The following IL15RA variants were observed in gnomAD, a reference collection of about 807,000 sequenced individuals.
IL15RA encodes the protein interleukin 15 receptor subunit alpha.
IL15RA carries 26 observed loss-of-function variants against 24.2 expected under a neutral mutation model. The observed-to-expected ratio is 1.07, with a 90% CI of 0.79 to 1.49. The LOEUF (loss-of-function observed/expected upper bound fraction) is 1.49. Among genes scored for constraint, IL15RA ranks in the 40% most tolerant of loss-of-function variants. The probability of loss-of-function intolerance (pLI) is 0.00; values close to 1 mark genes in which losing one functional copy is unlikely to be tolerated. For synonymous variants in IL15RA, 166 were observed against 157.6 expected, an observed-to-expected ratio of 1.05 and a Z score of -0.40; for missense variants, 354 against 356.4, an observed-to-expected ratio of 0.99 and a Z score of 0.05.
chr10:5,966,476 G>A lies in IL15RA; in HGVS notation c.89-137C>T. 1.5e-6 allele frequency: 1 copy of A among 654,570 alleles called. No individual in the cohort carries two copies. The allele number at this position is 654,570 out of a possible 1,614,324, so 40.5% of individuals were successfully genotyped here. On this transcript the variant is annotated intron_variant, in intron 1 of 6. Transcript: ENST00000379977. This position sits in a 1 kb window ranked among gnomAD's most constrained non-coding sequence, Gnocchi z 6.4. ...GACAAGCCCCAGGTGCCAGGCACGTGGAGGATGTACAGGAAGAGCATCCTC... is the reference window on the plus strand; with the variant it reads ...GACAAGCCCCAGGTGCCAGGCACGTAGAGGATGTACAGGAAGAGCATCCTC...
rs894576410 is a variant in IL15RA at position 5,955,483 on chromosome 10, C to T, written c.692+896G>A. On this transcript the variant is annotated intron_variant, in intron 6 of 6. Transcript: ENST00000379977. The surrounding 1 kb of genome is among the most constrained non-coding windows in gnomAD (Gnocchi z 5.3). ...ATAGTAACTAAAAGTTTAGTTTGGA[C>T]AAATCTGATATCCGTATCAGTATGG... Among the ~76,000 whole-genome samples, 1 of 151,940 alleles carries T rather than the reference C, an allele frequency of 6.6e-6. No individual in the cohort carries two copies. The highest frequency in any genetic ancestry group is 2.4e-5 in the African/African-American group (1 of 41,332).
upstream of IL15RA, chr10:5,978,073 G>T (rs1357401687): frequency 6.5e-6 from 1 of 152,736 alleles, no homozygotes; most frequent in Non-Finnish European, 1.5e-5. This position sits in a 1 kb window ranked among gnomAD's most constrained non-coding sequence, Gnocchi z 5.2. Context: ...GCGGGCACCT[G>T]CCTGGTGCGC....
chr10:5,951,143 A>AAAAAAAAAAAAAT (rs1450956969), downstream of IL15RA, among the ~76,000 whole-genome samples: 2 of 43,906 alleles, frequency 4.6e-5, no homozygotes, highest in African/African-American at 1.9e-4. Flanking sequence ...CTCAGTCTCA[A>AAAAAAAAAAAAAT]AAAAAAAAAA....
rs749995392 is a variant in IL15RA at position 5,956,433 on chromosome 10, A to T, written c.638T>A (p.Val213Asp). ...DTTVAISTSTVLLCGLSAVSL... is the reference protein window; with the variant it reads ...DTTVAISTSTDLLCGLSAVSL... ...CACAGCGCTCAGCCCACACAGCAGG[A>T]CAGTGGACGTGGAGATAGCCACTGA... is the stretch of plus-strand genomic sequence containing the variant. The change falls in exon 6 of 7, where the codon GTC becomes GAC. Residue 213 changes from valine (V) to aspartate (D), a missense_variant. By Grantham distance (152) the Val-to-Asp change is radical. Transcript: ENST00000379977. The T allele has an allele frequency of 9.3e-6, 15 of 1,614,104 alleles. No homozygotes were observed. Among genetic ancestry groups the T allele is most frequent in the Admixed American group, 5.0e-5 (3 of 60,030 alleles).
chr10:5,967,931 C>T lies in IL15RA; in HGVS notation c.89-1592G>A, dbSNP rs1383832533. 2.6e-5 allele frequency among the ~76,000 whole-genome samples: 4 copies of T among 151,954 alleles called. No homozygotes were observed. The highest frequency in any genetic ancestry group is 6.6e-5 in the Admixed American group (1 of 15,250). ...AAAATTAGCTGGATGTGGTGGTGGG[C>T]GCCTGTAATCCCAGCTACTCAGGAG... On this transcript the variant is annotated intron_variant, in intron 1 of 6. Coordinates refer to ENST00000379977, the MANE Select transcript of IL15RA (RefSeq NM_002189.4). This position sits in a 1 kb window ranked among gnomAD's most constrained non-coding sequence, Gnocchi z 4.4.
chr10:5,959,697 A>C lies in IL15RA; in HGVS notation c.616+57T>G. 6.5e-7 allele frequency: 1 copy of C among 1,543,368 alleles called. No individual in the cohort carries two copies. Reference sequence around the variant, plus strand: ...CGGGCCTGGGCCAGGACCACCCAGCACCCTGGGACTGCGGTCACCCTGATC... The same window carrying C: ...CGGGCCTGGGCCAGGACCACCCAGCCCCCTGGGACTGCGGTCACCCTGATC... On this transcript the variant is annotated intron_variant, in intron 5 of 6. Transcript: ENST00000379977. The surrounding 1 kb of genome is among the most constrained non-coding windows in gnomAD (Gnocchi z 4.1).
Position 5,966,378 on chromosome 10 carries a change from T to A in IL15RA, c.89-39A>T. ...GAGGACAGGGGACGGTGAAGAGGTT[T>A]CCACTTGTAAGAGGCGTTCTCCAGG... On this transcript the variant is annotated intron_variant, in intron 1 of 6. Transcript: ENST00000379977. This position sits in a 1 kb window ranked among gnomAD's most constrained non-coding sequence, Gnocchi z 6.4. 2 of 1,557,482 alleles carry A rather than the reference T, an allele frequency of 1.3e-6. No individual in the cohort carries two copies. Among genetic ancestry groups the A allele is most frequent in the Non-Finnish European group, 1.8e-6 (2 of 1,132,604 alleles).
In IL15RA at chr10:5,964,498, C is replaced by T. The variant is rs1836162478; in HGVS notation, c.284-657G>A. Among the ~76,000 whole-genome samples the T allele has an allele frequency of 6.6e-6, 1 of 152,140 alleles. No homozygotes were observed. The highest frequency in any genetic ancestry group is 2.1e-4 in the South Asian group (1 of 4,828). On this transcript the variant is annotated intron_variant, in intron 2 of 6. Transcript: ENST00000379977. This position sits in a 1 kb window ranked among gnomAD's most constrained non-coding sequence, Gnocchi z 5.6. ...TTCACTTGTTGAGCAGGAAAAAAGT[C>T]ATTCAAAGCACAAGAGTTTGGGAAG...
At position 5,960,355 on chromosome 10, in the gene IL15RA, G is replaced by C. The variant is rs1326808949; in HGVS notation, c.583+12C>G. ...GGGAACTGACCTCTCCTGGGGCAAA[G>C]CGAGTGCTAACCTGGCGGCTGGTGG... On this transcript the variant is annotated intron_variant, in intron 4 of 6. Transcript: ENST00000379977. This position sits in a 1 kb window ranked among gnomAD's most constrained non-coding sequence, Gnocchi z 5.1. 1.2e-6 allele frequency: 2 copies of C among 1,613,406 alleles called. No individual in the cohort carries two copies. The highest frequency in any genetic ancestry group is 3.3e-5 in the Admixed American group (2 of 60,028).
downstream of IL15RA, chr10:5,952,315 C>T: frequency 6.6e-6 from 1 of 152,570 alleles, no homozygotes; most frequent in East Asian, 1.9e-4. Context: ...TGGACTCTGC[C>T]TTCCTACTCT....
chr10:5,957,593 C>CTTT lies in IL15RA; in HGVS notation c.617-1142_617-1140dup, dbSNP rs34002653. Among the ~76,000 whole-genome samples the CTTT allele has an allele frequency of 6.9e-3, 906 of 131,580 alleles. 19 individuals carry two copies. Among genetic ancestry groups the CTTT allele is most frequent in the African/African-American group, 0.024 (843 of 34,574 alleles). 86.3% of individuals were successfully genotyped at this position (131,580 alleles called of 152,430 possible). A position where few individuals can be genotyped will look rare whatever the true frequency, so the allele number is the denominator to read the frequency against. Reference sequence around the variant, plus strand: ...CTGGCCAACTTTTTCTTTTCTTCTTCTTTTTTTTTTTTTTTCTGCGACGGA... The same window carrying CTTT: ...CTGGCCAACTTTTTCTTTTCTTCTTCTTTTTTTTTTTTTTTTTTCTGCGACGGA... On this transcript the variant is annotated intron_variant, in intron 5 of 6. Transcript: ENST00000379977.
rs1322023122 is a variant in IL15RA at position 5,967,095 on chromosome 10, C to T, written c.89-756G>A. Among the ~76,000 whole-genome samples, 1 of 152,090 alleles carries T rather than the reference C, an allele frequency of 6.6e-6. No homozygotes were observed. The highest frequency in any genetic ancestry group is 1.5e-5 in the Non-Finnish European group (1 of 68,036). On this transcript the variant is annotated intron_variant, in intron 1 of 6. Coordinates refer to ENST00000379977, the MANE Select transcript of IL15RA (RefSeq NM_002189.4). This position sits in a 1 kb window ranked among gnomAD's most constrained non-coding sequence, Gnocchi z 4.4. Reference sequence around the variant, plus strand: ...TTTTAACTGGATCAAATTCTCCCACCTCCATCTCAAAAATCCACTCCCTTG... The same window carrying T: ...TTTTAACTGGATCAAATTCTCCCACTTCCATCTCAAAAATCCACTCCCTTG...
chr10:5,963,722 A>G lies in IL15RA; in HGVS notation c.382+21T>C, dbSNP rs746638129. On this transcript the variant is annotated intron_variant, in intron 3 of 6. Transcript: ENST00000379977. The surrounding 1 kb of genome is among the most constrained non-coding windows in gnomAD (Gnocchi z 5.3). ...TGTTGGGAGGGAATGAATGTCCTCG[A>G]GAAGTTTCTGACCTTCCTACCTTTT... 2.0e-6 allele frequency: 3 copies of G among 1,468,416 alleles called. No homozygotes were observed. The highest frequency in any genetic ancestry group is 1.5e-5 in the African/African-American group (1 of 67,290). 91.0% of individuals were successfully genotyped at this position (1,468,416 alleles called of 1,614,324 possible). A position where few individuals can be genotyped will look rare whatever the true frequency, so the allele number is the denominator to read the frequency against.
Position 5,971,273 on chromosome 10 carries a change from T to C in IL15RA, c.89-4934A>G, listed in dbSNP as rs186270603. On this transcript the variant is annotated intron_variant, in intron 1 of 6. Transcript: ENST00000379977. The surrounding 1 kb of genome is among the most constrained non-coding windows in gnomAD (Gnocchi z 5.5). ...TAATGGAATTATGAAGTAATGGAAA[T>C]TGGAGTAAACTTATGGCTCTAGGAC... Among the ~76,000 whole-genome samples the C allele has an allele frequency of 1.3e-5, 2 of 152,288 alleles. No individual in the cohort carries two copies. Among genetic ancestry groups the C allele is most frequent in the Admixed American group, 6.5e-5 (1 of 15,298 alleles).
rs1049556223 is a variant in IL15RA, at chr10:5,966,901, G to A, written c.89-562C>T. Among the ~76,000 whole-genome samples, 6 of 152,092 alleles carry A rather than the reference G, an allele frequency of 3.9e-5. No homozygotes were observed. Among genetic ancestry groups the A allele is most frequent in the African/African-American group, 1.4e-4 (6 of 41,432 alleles). On this transcript the variant is annotated intron_variant, in intron 1 of 6. Transcript: ENST00000379977. This position sits in a 1 kb window ranked among gnomAD's most constrained non-coding sequence, Gnocchi z 6.4. ...GCAGGAGAATTGCTTGAACCTGGGA[G>A]GCAGAGGTTGCAGTGAGCCACGATC...
chr10:5,957,488 C>G (rs1834721111), intron 5 of IL15RA, among the ~76,000 whole-genome samples: 1 of 151,272 alleles, frequency 6.6e-6, no homozygotes, highest in Admixed American at 6.6e-5. Flanking sequence ...GTTAGGCAGG[C>G]TGGTCTTGAA....
Position 5,973,512 on chromosome 10 carries a change from A to G in IL15RA, c.88+3893T>C, listed in dbSNP as rs1302994339. ...TTTGTATACTGCAACCAACTTAGAC[A>G]CATATGGCTGACTGATGTTCAAAAG... On this transcript the variant is annotated intron_variant, in intron 1 of 6. Transcript: ENST00000379977. The surrounding 1 kb of genome is among the most constrained non-coding windows in gnomAD (Gnocchi z 4.5). 6.6e-6 allele frequency among the ~76,000 whole-genome samples: 1 copy of G among 152,246 alleles called. No individual in the cohort carries two copies. Among genetic ancestry groups the G allele is most frequent in the African/African-American group, 2.4e-5 (1 of 41,462 alleles).
chr10:5,954,167 TC>T (rs936567768), intron 6 of IL15RA, among the ~76,000 whole-genome samples: 3 of 129,786 alleles, frequency 2.3e-5, no homozygotes, highest in African/African-American at 9.5e-5. Context: ...TACCAATTCT[TC>T]TTTTTTTTTT....
chr10:5,968,764 T>C lies in IL15RA; in HGVS notation c.89-2425A>G, dbSNP rs577874569. On this transcript the variant is annotated intron_variant, in intron 1 of 6. Coordinates refer to ENST00000379977, the MANE Select transcript of IL15RA (RefSeq NM_002189.4). This position sits in a 1 kb window ranked among gnomAD's most constrained non-coding sequence, Gnocchi z 5.4. ...ACCCCATCCTGCCCTCCATGATAGATGGCTGTGCTACCTGCTTGCTGCCTG... is the reference window on the plus strand; with the variant it reads ...ACCCCATCCTGCCCTCCATGATAGACGGCTGTGCTACCTGCTTGCTGCCTG... 110 of 702,998 alleles carry C rather than the reference T, an allele frequency of 1.6e-4. No homozygotes were observed. Among genetic ancestry groups the C allele is most frequent in the Admixed American group, 8.2e-4 (41 of 50,002 alleles). The allele number at this position is 702,998 out of a possible 1,614,324, so 43.5% of individuals were successfully genotyped here.
Sources: allele counts gnomAD v4.1 joint callset (sites outside exome capture counted in the v4.1 genomes callset), GRCh38; gene constraint gnomAD v4.1.1; non-coding constraint Gnocchi (gnomAD v3.1); transcripts MANE v1.5; gene names NCBI Gene and HGNC (gene_info 2026-07-23, HGNC 2026-07-21).